IL18R1: variants seen among roughly 807,000 people sequenced by gnomAD.
IL18R1 encodes interleukin-18 receptor 1.
IL18R1 carries 40 observed loss-of-function variants against 48.5 expected under a neutral mutation model. That is an observed-to-expected ratio of 0.82 (90% CI 0.64 to 1.07). IL18R1 has a LOEUF of 1.07. Ranked by LOEUF, IL18R1 falls within the 50% of genes least tolerant of loss-of-function variation. IL18R1 has a pLI of 0.00. For synonymous variants in IL18R1, 232 were observed against 225.9 expected (o/e 1.03, Z -0.24); for missense variants, 596 against 633.7 (o/e 0.94, Z 0.64).
chr2:102,394,223 G>A (rs1680701037), intron 9 of IL18R1, among the ~76,000 whole-genome samples: 1 of 152,142 alleles, frequency 6.6e-6, no homozygotes, highest in African/African-American at 2.4e-5. Context: ...TTAGTGCCCA[G>A]ATCTATGGCT....
At chr2:102,391,337 G>A (rs976663103) in intron 9 of IL18R1, among the ~76,000 whole-genome samples, 1 of 151,918 alleles carries the variant, frequency 6.6e-6, no homozygotes, top group Non-Finnish European at 1.5e-5. Flanking sequence ...CTTTTAAAAA[G>A]AACAAATCCT....
chr2:102,397,020 C>G lies in IL18R1; in HGVS notation c.*134C>G, dbSNP rs1332384985. The stretch of plus-strand genomic sequence containing the variant: ...TCCTGCTCACAATTTGAAGATGAAA[C>G]TTGTCATTAGGTTGGCGGGAATGAG... On this transcript the variant is annotated 3_prime_UTR_variant, in exon 11 of 11. Coordinates refer to ENST00000233957, the MANE Select transcript of IL18R1 (RefSeq NM_003855.5). The G allele has an allele frequency of 3.2e-6, 2 of 629,794 alleles. No individual in the cohort carries two copies. The highest frequency in any genetic ancestry group is 2.8e-5 in the East Asian group (1 of 35,716). 39.0% of individuals were successfully genotyped at this position (629,794 alleles called of 1,614,324 possible).
intron 1 of IL18R1, among the ~76,000 whole-genome samples, chr2:102,356,626 C>A (rs867497719): frequency 1.3e-5 from 2 of 152,238 alleles, no homozygotes; most frequent in East Asian, 3.9e-4. Flanking sequence ...GAGGTGAGAA[C>A]GACTGAAATA....
At chr2:102,374,597 T>G (rs921394584) in intron 4 of IL18R1, among the ~76,000 whole-genome samples, 1 of 151,994 alleles carries the variant, frequency 6.6e-6, no homozygotes, top group Non-Finnish European at 1.5e-5. Flanking sequence ...GCTAATATGA[T>G]GAAACCCCGT....
rs1183739484 is a variant in IL18R1 at position 102,362,729 on chromosome 2, A to G, written c.58+11A>G. ...CTGTAAGCACTGCAGGTAAGTGATT[A>G]TACATACTCTCAAACATATTTCATG... On this transcript the variant is annotated intron_variant, in intron 2 of 10. Transcript: ENST00000233957. 1.3e-6 allele frequency: 2 copies of G among 1,506,478 alleles called. No homozygotes were observed. Among genetic ancestry groups the G allele is most frequent in the East Asian group, 2.3e-5 (1 of 43,998 alleles). The allele number at this position is 1,506,478 out of a possible 1,614,324, so 93.3% of individuals were successfully genotyped here.
At chr2:102,376,174 C>T (rs1278176701) in intron 5 of IL18R1, 111 bp downstream of exon 5, 1 of 778,576 alleles carries the variant, frequency 1.3e-6, no homozygotes, top group East Asian at 2.9e-5. Context: ...GGGGTTGTGA[C>T]CACACCACTA....
intron 2 of IL18R1, 52 bp downstream of exon 2, chr2:102,362,770 A>G (rs1315118678): frequency 1.6e-6 from 2 of 1,215,824 alleles, no homozygotes; most frequent in Non-Finnish European, 1.2e-6. Context: ...TTGAGGAAGA[A>G]TGTCAAAGTT....
chr2:102,378,743 A>C (rs553921598), intron 5 of IL18R1, among the ~76,000 whole-genome samples: 2 of 152,232 alleles, frequency 1.3e-5, no homozygotes, highest in Non-Finnish European at 2.9e-5. Flanking sequence ...TGCTCATTAC[A>C]TGCCTGTTGT....
chr2:102,390,948 A>AG (rs1476478983), intron 9 of IL18R1, among the ~76,000 whole-genome samples: 1 of 151,022 alleles, frequency 6.6e-6, no homozygotes, highest in East Asian at 1.9e-4. Flanking sequence ...AAAAAAAAAA[A>AG]AAGAGAGAGA....
rs769222530 is a variant in IL18R1 at position 102,390,082 on chromosome 2, G to A, written c.976G>A (p.Val326Ile). The A allele has an allele frequency of 8.1e-6, 13 of 1,613,674 alleles. No individual in the cohort carries two copies. The highest frequency in any genetic ancestry group is 2.7e-5 in the African/African-American group (2 of 74,832). ...AGACATGGCTGATATCCCAGGCCAC[G>A]TCTTCACAAGAGGAATGATCATAGC... is the stretch of plus-strand genomic sequence containing the variant. ...KADMADIPGH[V>I]FTRGMIIAVL... is the part of the protein sequence containing the mutation. The change falls in exon 9 of 11, where the codon GTC becomes ATC. Residue 326 changes from valine to isoleucine, a missense_variant. By Grantham distance (29) the Val-to-Ile change is conservative. Around this residue, in one of 3 missense-constraint regions of IL18R1, gnomAD observed 57 missense variants for 88.2 expected, o/e 0.65. Coordinates refer to ENST00000233957, the MANE Select transcript of IL18R1 (RefSeq NM_003855.5).
intron 10 of IL18R1, among the ~76,000 whole-genome samples, chr2:102,395,189 T>TA (rs1461676545): frequency 6.6e-6 from 1 of 152,044 alleles, no homozygotes; most frequent in African/African-American, 2.4e-5. Flanking sequence ...ATGTTTTTTT[T>TA]ATTAATATAG....
In IL18R1 at chr2:102,396,919, A is replaced by G. The variant is rs947195651; in HGVS notation, c.*33A>G. ...AAACAGTGAACGCCAAAAAGAACTC[A>G]AGATATTCTGGGGACTGAGCATATG... On this transcript the variant is annotated 3_prime_UTR_variant, in exon 11 of 11. Transcript: ENST00000233957. 2.2e-6 allele frequency: 3 copies of G among 1,352,298 alleles called. No individual in the cohort carries two copies. The highest frequency in any genetic ancestry group is 3.1e-6 in the Non-Finnish European group (3 of 977,282). The allele number at this position is 1,352,298 out of a possible 1,614,324, so 83.8% of individuals were successfully genotyped here.
intron 9 of IL18R1, among the ~76,000 whole-genome samples, chr2:102,392,938 G>T (rs1005566991): frequency 6.6e-6 from 1 of 151,854 alleles, no homozygotes; most frequent in African/African-American, 2.4e-5. Flanking sequence ...AAAATATATT[G>T]TAATAAAATT....
chr2:102,356,367 C>T lies in IL18R1; in HGVS notation c.-62C>T, dbSNP rs1678250701. 7 of 984,600 alleles carry T rather than the reference C, an allele frequency of 7.1e-6. No homozygotes were observed. The highest frequency in any genetic ancestry group is 4.7e-5 in the South Asian group (1 of 21,282). 61.0% of individuals were successfully genotyped at this position (984,600 alleles called of 1,614,324 possible). On this transcript the variant is annotated 5_prime_UTR_variant, in exon 1 of 11. Transcript: ENST00000233957. ...ACCTGGCGTGAAGGAGGAGCTGCCG[C>T]CCCCGCCCCAGCCTCGGGGACGCCT...
At position 102,397,535 on chromosome 2, in the gene IL18R1, T is replaced by A. The variant is rs1460501126; in HGVS notation, c.*649T>A. ...CTTATGTGGATCTATTTATGGGAAC[T>A]TCTTAAAAGGACCCCAGAATAGCTC... On this transcript the variant is annotated 3_prime_UTR_variant, in exon 11 of 11. Transcript: ENST00000233957. The A allele has an allele frequency of 6.6e-6, 1 of 152,366 alleles. No individual in the cohort carries two copies. The highest frequency in any genetic ancestry group is 1.5e-5 in the Non-Finnish European group (1 of 68,038). The allele number at this position is 152,366 out of a possible 1,614,324, so 9.4% of individuals were successfully genotyped here.
chr2:102,395,936 A>G (rs914505928), intron 10 of IL18R1, among the ~76,000 whole-genome samples: 1 of 152,230 alleles, frequency 6.6e-6, no homozygotes, highest in Non-Finnish European at 1.5e-5. Flanking sequence ...AGTAGTTGTG[A>G]CAAAGACAGT....
At chr2:102,380,345 C>T (rs11683700) in intron 5 of IL18R1, among the ~76,000 whole-genome samples, 33,331 of 152,104 alleles carry the variant, frequency 0.22, 4,376 homozygotes, top group East Asian at 0.4. Flanking sequence ...TCTCAAGTCT[C>T]CCATGTAAGT....
rs560022954 is a variant in IL18R1, at chr2:102,397,320, G to A, written c.*434G>A. On this transcript the variant is annotated 3_prime_UTR_variant, in exon 11 of 11. Transcript: ENST00000233957. ...TTTCTAGGGACCAGTGGGTGACTGA[G>A]TAACTGAAATGCTGCTTTCACTCCC... is the stretch of plus-strand genomic sequence containing the variant. The A allele has an allele frequency of 2.1e-4, 34 of 159,002 alleles. No homozygotes were observed. The South Asian group carries it at 5.1e-3, about 24-fold the overall frequency. 9.8% of individuals were successfully genotyped at this position (159,002 alleles called of 1,614,324 possible).
Position 102,362,710 on chromosome 2 carries a change from G to A in IL18R1, c.50G>A (p.Ser17Asn). The change falls in exon 2 of 11, where the codon AGC becomes AAC. Residue 17 changes from serine (S) to asparagine (N), a missense_variant. Ser to Asn is a conservative substitution (Grantham distance 46). Around this residue, in one of 3 missense-constraint regions of IL18R1, gnomAD observed 360 missense variants for 339.4 expected, o/e 1.06. Transcript: ENST00000233957. Reference sequence around the variant, plus strand: ...ACCCTTTGGGTGCTTATATCTGTAAGCACTGCAGGTAAGTGATTATACATA... The same window carrying A: ...ACCCTTTGGGTGCTTATATCTGTAAACACTGCAGGTAAGTGATTATACATA... Reference protein sequence around the residue: ...PLTLWVLISVSTAESCTSRPH... With the variant: ...PLTLWVLISVNTAESCTSRPH... The A allele has an allele frequency of 6.3e-7, 1 of 1,585,188 alleles. No individual in the cohort carries two copies. Among genetic ancestry groups the A allele is most frequent in the Non-Finnish European group, 8.6e-7 (1 of 1,158,422 alleles).
Sources: gnomAD v4.1 joint callset for allele counts (sites outside exome capture counted in the v4.1 genomes callset) on GRCh38, gnomAD v4.1.1 for gene constraint, gnomAD v4.1.1 regional missense constraint, MANE v1.5 for transcripts, NCBI Gene and HGNC (gene_info 2026-07-23, HGNC 2026-07-21) for gene names.